SGPP2: variants seen among roughly 807,000 people sequenced by gnomAD.
SGPP2 encodes the protein sphingosine-1-phosphate phosphatase 2.
In SGPP2, 30 loss-of-function variants were observed where a neutral mutation model predicts 33.9. The observed-to-expected ratio is 0.89, with a 90% CI of 0.66 to 1.20. The LOEUF (loss-of-function observed/expected upper bound fraction) is 1.20. Among genes scored for constraint, SGPP2 ranks in the 50% most tolerant of loss-of-function variants. The probability of loss-of-function intolerance (pLI) is 0.00; values close to 1 mark genes in which losing one functional copy is unlikely to be tolerated. For synonymous variants in SGPP2, 233 were observed against 225.0 expected, an observed-to-expected ratio of 1.04 and a Z score of -0.32; for missense variants, 458 against 532.1, an observed-to-expected ratio of 0.86 and a Z score of 1.37.
At chr2:222,502,976 C>T (rs553359154) in intron 2 of SGPP2, among the ~76,000 whole-genome samples, 5 of 152,280 alleles carry the variant, frequency 3.3e-5, no homozygotes, top group African/African-American at 7.2e-5. Context: ...TCTAGGTCTT[C>T]GTTTTAGGCT....
chr2:222,462,008 G>A (rs575197373), intron 1 of SGPP2, among the ~76,000 whole-genome samples: 14 of 152,244 alleles, frequency 9.2e-5, no homozygotes, highest in Admixed American at 6.5e-4. Flanking sequence ...TCAGCACAGC[G>A]ACCGTCATGA....
intron 4 of SGPP2, among the ~76,000 whole-genome samples, chr2:222,533,161 G>C (rs1698864089): frequency 6.6e-6 from 1 of 152,180 alleles, no homozygotes; most frequent in Non-Finnish European, 1.5e-5. Flanking sequence ...AAGATAGAAT[G>C]TCTTGGAAGG....
chr2:222,540,621 G>C (rs1339060293), intron 4 of SGPP2, among the ~76,000 whole-genome samples: 1 of 152,138 alleles, frequency 6.6e-6, no homozygotes, highest in Admixed American at 6.5e-5. Flanking sequence ...TAAATGTCAA[G>C]TGGATTGCAA....
intron 1 of SGPP2, among the ~76,000 whole-genome samples, chr2:222,433,310 T>C (rs1440027373): frequency 6.6e-6 from 1 of 152,094 alleles, no homozygotes; most frequent in Non-Finnish European, 1.5e-5. Flanking sequence ...AGGAATTATA[T>C]TATAAACCCC....
chr2:222,515,570 C>A (rs1412631990), intron 2 of SGPP2, among the ~76,000 whole-genome samples: 1 of 151,966 alleles, frequency 6.6e-6, no homozygotes, highest in Non-Finnish European at 1.5e-5. Context: ...CTCAGATGAT[C>A]CACCTGCCTT....
chr2:222,531,035 AAAAT>A (rs532120057), intron 4 of SGPP2, among the ~76,000 whole-genome samples: 2 of 152,310 alleles, frequency 1.3e-5, no homozygotes, highest in South Asian at 2.1e-4. Context: ...TCCAGCCTCC[AAAAT>A]AAATAAATAA....
chr2:222,475,028 A>G (rs1386255208), intron 2 of SGPP2, among the ~76,000 whole-genome samples: 1 of 152,130 alleles, frequency 6.6e-6, no homozygotes, highest in African/African-American at 2.4e-5. Context: ...GCCTTTCATT[A>G]GTCTTACAAA....
At chr2:222,481,319 C>T (rs1267040090) in intron 2 of SGPP2, among the ~76,000 whole-genome samples, 3 of 152,142 alleles carry the variant, frequency 2.0e-5, no homozygotes, top group Non-Finnish European at 4.4e-5. Flanking sequence ...AAGATGAAAA[C>T]ATTTTTCATA....
chr2:222,443,191 A>G (rs367802123), intron 1 of SGPP2, among the ~76,000 whole-genome samples: 2 of 151,944 alleles, frequency 1.3e-5, no homozygotes, highest in African/African-American at 4.8e-5. Context: ...TGAATCATAT[A>G]TTTTTTTTAA....
At position 222,535,518 on chromosome 2, in the gene SGPP2, A is replaced by G. The variant is rs570638799; in HGVS notation, c.648+10485A>G. Among the ~76,000 whole-genome samples the G allele has an allele frequency of 2.6e-5, 4 of 152,298 alleles. No individual in the cohort carries two copies. In the East Asian group the frequency reaches 7.7e-4, roughly 29 times the overall value. ...TGCAGACCACAGGAGATGGACAAAG[A>G]CAGAAGTTGGTCAAGCACCAGAGTG... On this transcript the variant is annotated intron_variant, in intron 4 of 4. Coordinates refer to ENST00000321276, the MANE Select transcript of SGPP2 (RefSeq NM_152386.4).
intron 4 of SGPP2, among the ~76,000 whole-genome samples, chr2:222,555,018 C>A (rs1352881111): frequency 6.6e-6 from 1 of 152,090 alleles, no homozygotes; most frequent in African/African-American, 2.4e-5. Context: ...AACATCCCCC[C>A]CACCCTGAAA....
In SGPP2 at chr2:222,465,198, A is replaced by T. The variant is rs1293889294; in HGVS notation, c.220-9370A>T. 5.3e-5 allele frequency among the ~76,000 whole-genome samples: 8 copies of T among 152,182 alleles called. No homozygotes were observed. Among genetic ancestry groups the T allele is most frequent in the Admixed American group, 5.2e-4 (8 of 15,280 alleles). ...AATAAGTTGTCCTTACATTTTATTGACTTTCAGTCTCGCCATCCTGAAATT... is the reference window on the plus strand; with the variant it reads ...AATAAGTTGTCCTTACATTTTATTGTCTTTCAGTCTCGCCATCCTGAAATT... On this transcript the variant is annotated intron_variant, in intron 1 of 4. Coordinates refer to ENST00000321276, the MANE Select transcript of SGPP2 (RefSeq NM_152386.4). The surrounding 1 kb of genome is among the most constrained non-coding windows in gnomAD (Gnocchi z 4.1).
At chr2:222,549,709 G>A (rs769298981) in intron 4 of SGPP2, among the ~76,000 whole-genome samples, 38 of 152,170 alleles carry the variant, frequency 2.5e-4, no homozygotes, top group Admixed American at 9.2e-4. Context: ...GCATTTGAAC[G>A]TTGGAAAATG....
intron 1 of SGPP2, among the ~76,000 whole-genome samples, chr2:222,426,209 C>CAA (rs59881994): frequency 0.032 from 1,843 of 57,820 alleles, 103 homozygotes; most frequent in Middle Eastern, 0.048. Flanking sequence ...GACTCCGTCT[C>CAA]AAAAAAAAAA....
chr2:222,541,251 C>T lies in SGPP2; in HGVS notation c.648+16218C>T, dbSNP rs530434354. On this transcript the variant is annotated intron_variant, in intron 4 of 4. Transcript: ENST00000321276. ...GGCAAGTGTGGAGTTGTGTAAGAAA[C>T]GACCATGGAGCAGTGTGTCAGCAGC... 3.0e-4 allele frequency among the ~76,000 whole-genome samples: 45 copies of T among 152,296 alleles called. 1 individual carries two copies. Among genetic ancestry groups the T allele is most frequent in the African/African-American group, 1.1e-3 (45 of 41,552 alleles).
chr2:222,441,058 A>G (rs1448768741), intron 1 of SGPP2, among the ~76,000 whole-genome samples: 1 of 152,266 alleles, frequency 6.6e-6, no homozygotes, highest in African/African-American at 2.4e-5. Flanking sequence ...AATTTCATTG[A>G]GAGTAGCTGT....
intron 2 of SGPP2, among the ~76,000 whole-genome samples, chr2:222,512,269 C>A (rs1186823665): frequency 1.3e-5 from 2 of 152,138 alleles, no homozygotes; most frequent in African/African-American, 4.8e-5. Flanking sequence ...CCTCGGCCTC[C>A]CAAAGTACTG....
intron 2 of SGPP2, among the ~76,000 whole-genome samples, chr2:222,495,409 G>A (rs987143597): frequency 7.2e-5 from 11 of 152,104 alleles, no homozygotes; most frequent in Admixed American, 3.9e-4. Context: ...GCAAGGCCCT[G>A]TCTCAAAAAA....
chr2:222,430,539 G>A (rs543384823), intron 1 of SGPP2, among the ~76,000 whole-genome samples: 6 of 151,948 alleles, frequency 3.9e-5, no homozygotes, highest in African/African-American at 1.5e-4. Flanking sequence ...GGCTAGTCTC[G>A]AACTCCTGGG....
Sources: gnomAD v4.1 joint callset for allele counts (sites outside exome capture counted in the v4.1 genomes callset) on GRCh38, gnomAD v4.1.1 for gene constraint, Gnocchi (gnomAD v3.1) non-coding constraint, MANE v1.5 for transcripts, NCBI Gene and HGNC (gene_info 2026-07-23, HGNC 2026-07-21) for gene names.